Variants in UBL7 observed in about 807,000 individuals in gnomAD.
UBL7 encodes the protein ubiquitin-like protein 7.
In UBL7, 21 loss-of-function variants were observed where a neutral mutation model predicts 41.7. The ratio of observed to expected loss-of-function variants is 0.50; its 90% CI spans 0.36 to 0.73. The LOEUF (loss-of-function observed/expected upper bound fraction) is 0.73, where lower values mean the gene tolerates loss of function less well. Among genes scored for constraint, UBL7 ranks in the 30% least tolerant of loss-of-function variants. UBL7 has a pLI of 0.00. For missense variants in UBL7, 403 were observed against 478.4 expected (o/e 0.84, Z 1.47); for synonymous variants, 157 against 186.9 (o/e 0.84, Z 1.31).
chr15:74,448,422 G>T, intron 10 of UBL7, 56 bp downstream of exon 10: 15 of 1,607,156 alleles, frequency 9.3e-6, no homozygotes, highest in Middle Eastern at 1.8e-4. Flanking sequence ...AACAAAGGCT[G>T]GGCATCCAAA....
chr15:74,456,672 C>G lies in UBL7; in HGVS notation c.185-1G>C, dbSNP rs761431231. The G allele has an allele frequency of 2.4e-5, 39 of 1,611,224 alleles. No individual in the cohort carries two copies. In the Admixed American group the frequency reaches 6.6e-4, roughly 27 times the overall value. ...AGCTTCCGACCACAGTAGATCAGAT[C>G]TAAAAAAAGAACTGTCCACTTATAT... On this transcript the variant is annotated splice_acceptor_variant, in intron 2 of 10. Coordinates refer to ENST00000395081, the MANE Select transcript of UBL7 (RefSeq NM_032907.5). LOFTEE classifies it high-confidence loss of function.
At position 74,446,189 on chromosome 15, in the gene UBL7, C is replaced by A; in HGVS notation, c.1044G>T (p.Met348Ile). ...WQPQLQQLRD[M>I]GIQDDELSLR... ...GGCTCAGCTCATCGTCCTGGATGCC[C>A]ATGTCACGTAGCTGCTGCAGCTGGG... The change falls in exon 11 of 11, where the codon ATG becomes ATT. Residue 348 changes from methionine (M) to isoleucine (I), a missense_variant. Met to Ile is a conservative substitution (Grantham distance 10). Transcript: ENST00000395081. This position sits in a 1 kb window ranked among gnomAD's most constrained non-coding sequence, Gnocchi z 4.1. The A allele has an allele frequency of 6.2e-7, 1 of 1,613,918 alleles. No individual in the cohort carries two copies. Among genetic ancestry groups the A allele is most frequent in the East Asian group, 2.2e-5 (1 of 44,872 alleles).
rs574223971 is a variant in UBL7, at chr15:74,461,129, G to A, written c.-122C>T. 4.0e-6 allele frequency: 4 copies of A among 996,662 alleles called. No homozygotes were observed. The South Asian group carries it at 1.2e-4, about 31-fold the overall frequency. 61.7% of individuals were successfully genotyped at this position (996,662 alleles called of 1,614,324 possible). ...TCACCCGTCCCGCGGAAGGAACCCG[G>A]CCGCACTGCCGCCGGTGTAAACACT... On this transcript the variant is annotated 5_prime_UTR_variant, in exon 1 of 11. Transcript: ENST00000395081.
At chr15:74,461,185 T>A (rs866994428), upstream of UBL7, 1 of 988,376 alleles carries the variant, frequency 1.0e-6, no homozygotes. Context: ...AAACCGGAAA[T>A]TCCGCGCTGC....
intron 3 of UBL7, among the ~76,000 whole-genome samples, chr15:74,454,327 T>G (rs560587822): frequency 1.3e-5 from 2 of 152,306 alleles, no homozygotes; most frequent in Admixed American, 6.5e-5. Context: ...AAGTTGGGTT[T>G]ACTGCTCAGT....
chr15:74,449,345 C>T lies in UBL7; in HGVS notation c.723G>A (p.Arg241=), dbSNP rs147593058. 8.9e-3 allele frequency: 14,331 copies of T among 1,613,958 alleles called. 136 individuals carry two copies. Among genetic ancestry groups the T allele is most frequent in the South Asian group, 0.03 (2,771 of 91,074 alleles). ...DDEDDFHPNT[R]STPSSSTPSS... is the part of the protein sequence containing the mutation. ...TGGGAGTACTGCTAGAGGGTGTGGA[C>T]CTGGTGTTCTGGAGAAAGAAGACAC... is the stretch of plus-strand genomic sequence containing the variant. Residue 241 remains arginine (R), a synonymous_variant, in exon 9 of 11, where the codon AGG becomes AGA. Coordinates refer to ENST00000395081, the MANE Select transcript of UBL7 (RefSeq NM_032907.5).
At chr15:74,449,600 G>A (rs1212550045) in intron 8 of UBL7, 26 bp downstream of exon 8, 1 of 1,614,076 alleles carries the variant, frequency 6.2e-7, no homozygotes, top group Non-Finnish European at 8.5e-7. Flanking sequence ...ATGTCAGCAT[G>A]TCAGGCAGGC....
At chr15:74,449,095 C>T in intron 9 of UBL7, 91 bp downstream of exon 9, 3 of 1,436,500 alleles carry the variant, frequency 2.1e-6, no homozygotes, top group Non-Finnish European at 2.8e-6. Context: ...CTAGATCTAG[C>T]ACCAGGGTCA....
intron 1 of UBL7, 160 bp from the exon 2 acceptor site, chr15:74,459,056 C>T (rs2061321656): frequency 1.5e-6 from 1 of 648,038 alleles, no homozygotes; most frequent in African/African-American, 1.8e-5. Flanking sequence ...GGTTCTCTCT[C>T]TACTCATACT....
At chr15:74,460,747 T>C (rs530873016) in intron 1 of UBL7, 9 of 1,286,454 alleles carry the variant, frequency 7.0e-6, no homozygotes, top group Non-Finnish European at 8.1e-6. Context: ...AAGTTCTTGT[T>C]ATAGTCATCA....
chr15:74,455,094 T>C (rs770114709), intron 3 of UBL7, among the ~76,000 whole-genome samples: 3 of 152,182 alleles, frequency 2.0e-5, no homozygotes, highest in Non-Finnish European at 4.4e-5. Context: ...TGGCTGTGAG[T>C]GCCAGGCCAA....
intron 3 of UBL7, among the ~76,000 whole-genome samples, chr15:74,455,591 A>G (rs1249424797): frequency 6.6e-6 from 1 of 152,236 alleles, no homozygotes; most frequent in Non-Finnish European, 1.5e-5. Flanking sequence ...CAACGATAAT[A>G]ACAAAAGGAT....
At chr15:74,455,150 G>A (rs2061283022) in intron 3 of UBL7, among the ~76,000 whole-genome samples, 1 of 152,150 alleles carries the variant, frequency 6.6e-6, no homozygotes, top group South Asian at 2.1e-4. Context: ...CTTCCCATCA[G>A]GGTATGAAAG....
chr15:74,459,185 C>A, intron 1 of UBL7: 1 of 274,512 alleles, frequency 3.6e-6, no homozygotes, highest in Non-Finnish European at 7.0e-6. Context: ...TCTGTATGCC[C>A]CTTTTTCCAA....
chr15:74,459,803 A>G (rs2141331010), intron 1 of UBL7, among the ~76,000 whole-genome samples: 1 of 148,440 alleles, frequency 6.7e-6, no homozygotes, highest in South Asian at 2.1e-4. Flanking sequence ...CGTCACTACT[A>G]AAAATACAAA....
At chr15:74,452,272 C>A (rs2061255410) in intron 4 of UBL7, 24 bp downstream of exon 4, 34 of 1,549,734 alleles carry the variant, frequency 2.2e-5, no homozygotes, top group Non-Finnish European at 2.9e-5. Context: ...ACAGTCCTGG[C>A]TGGGGGCCGC....
rs753784456 is a variant in UBL7 at position 74,456,690 on chromosome 15, A to G, written c.185-19T>C. The G allele has an allele frequency of 6.2e-7, 1 of 1,600,444 alleles. No homozygotes were observed. Reference sequence around the variant, plus strand: ...ATCAGATCTAAAAAAAGAACTGTCCACTTATATTTTGCTCCTCAAAACAAA... The same window carrying G: ...ATCAGATCTAAAAAAAGAACTGTCCGCTTATATTTTGCTCCTCAAAACAAA... On this transcript the variant is annotated intron_variant, in intron 2 of 10. Transcript: ENST00000395081.
chr15:74,454,183 A>G (rs969965710), intron 3 of UBL7, among the ~76,000 whole-genome samples: 1 of 152,080 alleles, frequency 6.6e-6, no homozygotes, highest in Non-Finnish European at 1.5e-5. Context: ...GCTGTTACCT[A>G]CCCTGCAGGG....
At chr15:74,447,157 G>A (rs2061191488) in intron 10 of UBL7, among the ~76,000 whole-genome samples, 1 of 152,316 alleles carries the variant, frequency 6.6e-6, no homozygotes, top group Admixed American at 6.5e-5. Context: ...CACGAATCCT[G>A]CTTCTGTTCC....
Sources: allele counts gnomAD v4.1 joint callset (sites outside exome capture counted in the v4.1 genomes callset), GRCh38; gene constraint gnomAD v4.1.1; non-coding constraint Gnocchi (gnomAD v3.1); transcripts MANE v1.5; gene names NCBI Gene and HGNC (gene_info 2026-07-23, HGNC 2026-07-21).